The following LYZL2 variants were observed in gnomAD, a reference collection of about 807,000 sequenced individuals.
LYZL2 encodes the protein lysozyme-like protein 2.
A neutral mutation model predicts 17.1 loss-of-function variants in LYZL2; 13 were observed. That is an observed-to-expected ratio of 0.76 (90% CI 0.49 to 1.21). LYZL2 has a LOEUF of 1.21. Among genes scored for constraint, LYZL2 ranks in the 50% most tolerant of loss-of-function variants. The pLI, the probability that LYZL2 is intolerant of heterozygous loss-of-function variation, is 0.00. For missense variants in LYZL2, 166 were observed against 189.2 expected (o/e 0.88, Z 0.72); for synonymous variants, 63 against 74.4 (o/e 0.85, Z 0.79).
At chr10:30,608,662 T>C (rs1042340546), downstream of LYZL2, among the ~76,000 whole-genome samples, 2 of 152,170 alleles carry the variant, frequency 1.3e-5, no homozygotes, top group Non-Finnish European at 2.9e-5. Context: ...ATCTCAGGGA[T>C]GTGTGTGGAA....
intron 2 of LYZL2, 44 bp downstream of exon 2, chr10:30,626,733 G>A (rs770382900): frequency 2.4e-4 from 386 of 1,611,524 alleles, no homozygotes; most frequent in Non-Finnish European, 3.2e-4. Flanking sequence ...CATCTCAGGG[G>A]AAAGGTCAAG....
At chr10:30,623,548 T>C (rs11813998) in intron 3 of LYZL2, among the ~76,000 whole-genome samples, 20,887 of 152,052 alleles carry the variant, frequency 0.14, 1,565 homozygotes, top group East Asian at 0.24. Context: ...GTCAGATCAG[T>C]GGCCGCATTA....
chr10:30,628,198 G>C (rs1393022351), intron 1 of LYZL2, among the ~76,000 whole-genome samples: 1 of 152,114 alleles, frequency 6.6e-6, no homozygotes, highest in African/African-American at 2.4e-5. Flanking sequence ...TTTATTGAAG[G>C]GTGAAGATTA....
intron 3 of LYZL2, among the ~76,000 whole-genome samples, chr10:30,621,363 T>C (rs1006305354): frequency 6.6e-6 from 1 of 151,984 alleles, no homozygotes; most frequent in Non-Finnish European, 1.5e-5. Context: ...GAGGATTGCC[T>C]GAGCCCAGGA....
chr10:30,610,759 T>C (rs1432058260), downstream of LYZL2, among the ~76,000 whole-genome samples: 1 of 152,102 alleles, frequency 6.6e-6, no homozygotes, highest in Non-Finnish European at 1.5e-5. Flanking sequence ...TATTTTTTTT[T>C]CTGGAAAAAA....
intron 3 of LYZL2, among the ~76,000 whole-genome samples, chr10:30,619,741 T>C (rs1838590921): frequency 6.6e-6 from 1 of 151,936 alleles, no homozygotes; most frequent in Non-Finnish European, 1.5e-5. Context: ...GAGGAGTTAA[T>C]GAGTGCAGCA....
rs764790268 is a variant in LYZL2 at position 30,611,935 on chromosome 10, A to G, written c.*20T>C. ...AAACCCTAGGGCGTTGCTGCAAAGC[A>G]TCCTGGGTCCAGTTCCAGTTTAGGA... On this transcript the variant is annotated 3_prime_UTR_variant, in exon 5 of 5. Transcript: ENST00000647634. The G allele has an allele frequency of 6.2e-7, 1 of 1,614,226 alleles. No homozygotes were observed. Among genetic ancestry groups the G allele is most frequent in the Non-Finnish European group, 8.5e-7 (1 of 1,180,048 alleles).
At position 30,626,149 on chromosome 10, in the gene LYZL2, C is replaced by T. The variant is rs759715750; in HGVS notation, c.254G>A (p.Arg85His). ...FQINSFAWCRRGKLKENNHCH... is the reference protein window; with the variant it reads ...FQINSFAWCRHGKLKENNHCH... Reference sequence around the variant, plus strand: ...GTGGTTGTTCTCCTTCAGCTTTCCGCGTCTGCACCACGCGAAGCTGTTGAT... The same window carrying T: ...GTGGTTGTTCTCCTTCAGCTTTCCGTGTCTGCACCACGCGAAGCTGTTGAT... The change falls in exon 3 of 5, where the codon CGC becomes CAC. Residue 85 changes from arginine (R) to histidine (H), a missense_variant. By Grantham distance (29) the Arg-to-His change is conservative (BLOSUM62 0). Around this residue, in one of 2 missense-constraint regions of LYZL2, gnomAD observed 134 missense variants for 129.4 expected, o/e 1.04. Coordinates refer to ENST00000647634, the MANE Select transcript of LYZL2 (RefSeq NM_183058.3). 96 of 1,614,116 alleles carry T rather than the reference C, an allele frequency of 5.9e-5. No individual in the cohort carries two copies. The Middle Eastern group carries it at 1.5e-3, about 25-fold the overall frequency.
rs114283826 is a variant in LYZL2 at position 30,622,604 on chromosome 10, C to T, written c.298+3501G>A. 4.5e-3 allele frequency among the ~76,000 whole-genome samples: 689 copies of T among 152,054 alleles called. 7 individuals are homozygous for T. The highest frequency in any genetic ancestry group is 0.016 in the African/African-American group (664 of 41,488). ...AGAAAAAACTAGTCATATCAGTAAT[C>T]ACATTAAATGCAAACGGCCTAATCA... On this transcript the variant is annotated intron_variant, in intron 3 of 4. Transcript: ENST00000647634.
downstream of LYZL2, among the ~76,000 whole-genome samples, chr10:30,610,422 C>T (rs1159731095): frequency 2.0e-5 from 3 of 152,160 alleles, no homozygotes; most frequent in Non-Finnish European, 2.9e-5. Flanking sequence ...AAACCATCAT[C>T]CTCAGCACAC....
Position 30,628,385 on chromosome 10 carries a change from G to A in LYZL2, c.-26+1208C>T, listed in dbSNP as rs530416907. Among the ~76,000 whole-genome samples, 335 of 152,282 alleles carry A rather than the reference G, an allele frequency of 2.2e-3. 2 individuals carry two copies. The East Asian group carries it at 0.028, about 13-fold the overall frequency. ...CTGACTGGGGAGCAAGAGGGATGGA[G>A]GACAAAGCCTCATGAAAGGAGGAAA... is the stretch of plus-strand genomic sequence containing the variant. On this transcript the variant is annotated intron_variant, in intron 1 of 4. Coordinates refer to ENST00000647634, the MANE Select transcript of LYZL2 (RefSeq NM_183058.3).
intron 3 of LYZL2, among the ~76,000 whole-genome samples, chr10:30,619,268 G>T (rs1838582379): frequency 1.3e-5 from 2 of 152,214 alleles, no homozygotes; most frequent in African/African-American, 4.8e-5. Context: ...AGTCAGTGTG[G>T]CAATTCCTCA....
intron 3 of LYZL2, among the ~76,000 whole-genome samples, chr10:30,615,899 T>C (rs1443665912): frequency 7.0e-6 from 1 of 143,632 alleles, no homozygotes; most frequent in Non-Finnish European, 1.5e-5. Context: ...AAAAAAAAGA[T>C]AGTCATTAAT....
At chr10:30,612,559 C>G (rs1461976769) in intron 4 of LYZL2, among the ~76,000 whole-genome samples, 2 of 152,184 alleles carry the variant, frequency 1.3e-5, no homozygotes, top group East Asian at 3.8e-4. Flanking sequence ...TTAGAAAATA[C>G]CTTTCTCCAT....
chr10:30,611,902 T>C lies in LYZL2; in HGVS notation c.*53A>G. ...ACAAGATGACACAGGCATTTGGACA[T>C]TCACTGCAAACCCTAGGGCGTTGCT... On this transcript the variant is annotated 3_prime_UTR_variant, in exon 5 of 5. Coordinates refer to ENST00000647634, the MANE Select transcript of LYZL2 (RefSeq NM_183058.3). 6.2e-7 allele frequency: 1 copy of C among 1,613,204 alleles called. No homozygotes were observed. The highest frequency in any genetic ancestry group is 2.2e-5 in the East Asian group (1 of 44,828).
At chr10:30,622,073 A>T (rs2132945988) in intron 3 of LYZL2, among the ~76,000 whole-genome samples, 1 of 152,320 alleles carries the variant, frequency 6.6e-6, no homozygotes, top group South Asian at 2.1e-4. Flanking sequence ...TAAGATAATG[A>T]TGCCTATTGG....
At chr10:30,611,700 GAAAA>G (rs58337423), downstream of LYZL2, 3 of 363,002 alleles carry the variant, frequency 8.3e-6, no homozygotes, top group East Asian at 4.9e-5. Context: ...AAGAAAGAAA[GAAAA>G]AGAAAGAAAG....
At chr10:30,624,018 A>G (rs1838664456) in intron 3 of LYZL2, among the ~76,000 whole-genome samples, 1 of 152,090 alleles carries the variant, frequency 6.6e-6, no homozygotes, top group Non-Finnish European at 1.5e-5. Context: ...TTTCTCCCTC[A>G]TCGAGTCCCT....
chr10:30,626,166 G>T lies in LYZL2; in HGVS notation c.237C>A (p.Ser79Arg), dbSNP rs1326131689. The change falls in exon 3 of 5, where the codon AGC becomes AGA. Residue 79 changes from serine to arginine, a missense_variant. Ser to Arg is a moderately radical substitution (Grantham distance 110, BLOSUM62 -1). Transcript: ENST00000647634. ...GCTTTCCGCGTCTGCACCACGCGAA[G>T]CTGTTGATCTGGAAGATGCCGTAGT... ...SIDYGIFQIN[S>R]FAWCRRGKLK... 6.2e-7 allele frequency: 1 copy of T among 1,614,168 alleles called. No individual in the cohort carries two copies. Among genetic ancestry groups the T allele is most frequent in the South Asian group, 1.1e-5 (1 of 91,084 alleles).
Sources: gnomAD v4.1 joint callset for allele counts (sites outside exome capture counted in the v4.1 genomes callset) on GRCh38, gnomAD v4.1.1 for gene constraint, gnomAD v4.1.1 regional missense constraint, MANE v1.5 for transcripts, NCBI Gene and HGNC (gene_info 2026-07-23, HGNC 2026-07-21) for gene names.